ABI2: variants seen among roughly 807,000 people sequenced by gnomAD.
ABI2 encodes the protein abl interactor 2, also known as abelson interactor 2.
In ABI2, 25 loss-of-function variants were observed where a neutral mutation model predicts 59.2. That is an observed-to-expected ratio of 0.42 (90% confidence interval 0.31 to 0.59). ABI2 has a LOEUF of 0.59. Ranked by LOEUF, ABI2 falls within the 20% of genes least tolerant of loss-of-function variation. ABI2 has a pLI of 0.14. For missense variants in ABI2, 545 were observed against 681.8 expected (o/e 0.80, Z 2.23); for synonymous variants, 213 against 235.5 (o/e 0.90, Z 0.87).
rs1420411240 is a variant in ABI2, at chr2:203,431,882, T to C, written c.*4530T>C. 6.6e-6 allele frequency: 1 copy of C among 152,180 alleles called. No homozygotes were observed. The highest frequency in any genetic ancestry group is 1.5e-5 in the Non-Finnish European group (1 of 68,028). The allele number at this position is 152,180 out of a possible 1,614,324, so 9.4% of individuals were successfully genotyped here. A position where few individuals can be genotyped will look rare whatever the true frequency, so the allele number is the denominator to read the frequency against. On this transcript the variant is annotated 3_prime_UTR_variant, in exon 12 of 12. Coordinates refer to ENST00000261018, the MANE Select transcript of ABI2 (RefSeq NM_001375670.1). ...GAAAAGCAGTTTTTATCATATTTTG[T>C]GTCCATGCACCATTTTTCTTAAAAT...
At chr2:203,391,610 C>G (rs2096743145) in intron 5 of ABI2, among the ~76,000 whole-genome samples, 1 of 151,980 alleles carries the variant, frequency 6.6e-6, no homozygotes, top group Non-Finnish European at 1.5e-5. Flanking sequence ...CACTTGAGCC[C>G]AGGAGTTTAA....
intron 1 of ABI2, among the ~76,000 whole-genome samples, chr2:203,355,811 A>C (rs1023518603): frequency 6.8e-6 from 1 of 148,020 alleles, no homozygotes; most frequent in Admixed American, 6.8e-5. Context: ...AGCCTGGGCA[A>C]CAAGAGCAAA....
intron 4 of ABI2, among the ~76,000 whole-genome samples, chr2:203,390,633 G>GA (rs974010366): frequency 0.04 from 5,673 of 141,492 alleles, 340 homozygotes; most frequent in African/African-American, 0.14. Flanking sequence ...CTCTGTCTCA[G>GA]AAAAAAAAAA....
intron 1 of ABI2, among the ~76,000 whole-genome samples, chr2:203,346,408 C>T (rs1043702869): frequency 1.3e-5 from 2 of 152,178 alleles, no homozygotes; most frequent in African/African-American, 2.4e-5. Context: ...GACTAATAGG[C>T]ATGTGTATCA....
chr2:203,402,716 T>C lies in ABI2; in HGVS notation c.1174T>C (p.Phe392Leu), dbSNP rs1378811465. ...TCAGAATCAGATGAATGGAGGACCT[T>C]TTTATAGCCAGAATCCAGGTTAGTT... is the stretch of plus-strand genomic sequence containing the variant. Reference protein sequence around the residue: ...SLQNQMNGGPFYSQNPVSLAP... With the variant: ...SLQNQMNGGPLYSQNPVSLAP... The change falls in exon 9 of 12, where the codon TTT becomes CTT. Residue 392 changes from phenylalanine to leucine, a missense_variant. By Grantham distance (22) the Phe-to-Leu change is conservative (BLOSUM62 0). Transcript: ENST00000261018. 1 of 1,592,570 alleles carries C rather than the reference T, an allele frequency of 6.3e-7. No individual in the cohort carries two copies. The highest frequency in any genetic ancestry group is 8.5e-7 in the Non-Finnish European group (1 of 1,173,436).
intron 2 of ABI2, among the ~76,000 whole-genome samples, chr2:203,367,722 A>T (rs2094593405): frequency 1.3e-5 from 2 of 151,994 alleles, no homozygotes; most frequent in Admixed American, 6.6e-5. Flanking sequence ...TTTTAAATGT[A>T]ACTGTGGGCT....
rs2098482196 is a variant in ABI2 at position 203,431,374 on chromosome 2, G to A, written c.*4022G>A. ...TTAAAAGTTAAGAGTTCTATTTGGT[G>A]TTTTCAGGAATATACGTGAAAAGAC... On this transcript the variant is annotated 3_prime_UTR_variant, in exon 12 of 12. Coordinates refer to ENST00000261018, the MANE Select transcript of ABI2 (RefSeq NM_001375670.1). 2 of 152,512 alleles carry A rather than the reference G, an allele frequency of 1.3e-5. No homozygotes were observed. Among genetic ancestry groups the A allele is most frequent in the East Asian group, 3.8e-4 (2 of 5,200 alleles). 9.4% of individuals were successfully genotyped at this position (152,512 alleles called of 1,614,324 possible).
chr2:203,425,608 G>GT (rs1161114496), intron 11 of ABI2, among the ~76,000 whole-genome samples: 3 of 152,224 alleles, frequency 2.0e-5, no homozygotes, highest in Admixed American at 6.5e-5. Flanking sequence ...TATTTTCTGG[G>GT]TTTTTTTGTA....
In ABI2 at chr2:203,396,800, C is replaced by G. The variant is rs1040890102; in HGVS notation, c.866C>G (p.Ala289Gly). The G allele has an allele frequency of 6.8e-5, 104 of 1,531,680 alleles. No homozygotes were observed. Among genetic ancestry groups the G allele is most frequent in the Non-Finnish European group, 8.4e-5 (96 of 1,145,184 alleles). The allele number at this position is 1,531,680 out of a possible 1,614,324, so 94.9% of individuals were successfully genotyped here. A position where few individuals can be genotyped will look rare whatever the true frequency, so the allele number is the denominator to read the frequency against. Residue 289 changes from alanine (A) to glycine (G), a missense_variant, in exon 8 of 12, where the codon GCT (alanine) becomes GGT (glycine). Around this residue, in one of 4 missense-constraint regions of ABI2, gnomAD observed 410 missense variants for 435.6 expected, o/e 0.94. Coordinates refer to ENST00000261018, the MANE Select transcript of ABI2 (RefSeq NM_001375670.1). ...PSVFPAPAGS[A>G]GTPPLPATSA... is the part of the protein sequence containing the mutation. ...TTCCCCTCAGCCCCTGCTGGCTCTG[C>G]TGGCACTCCTCCCCTTCCTGCTACT... is the stretch of plus-strand genomic sequence containing the variant.
chr2:203,390,903 T>C, intron 4 of ABI2, 143 bp from the exon 5 acceptor site: 1 of 649,224 alleles, frequency 1.5e-6, no homozygotes, highest in Non-Finnish European at 2.8e-6. Flanking sequence ...AGAGTAGAGA[T>C]TGCATATGAA....
In ABI2 at chr2:203,387,073, TTTTC is replaced by T. The variant is rs1397056320; in HGVS notation, c.481-3972_481-3969del. Reference sequence around the variant, plus strand: ...CTCCCTTCCTTTTTTTTTTTTTTTTTTTTCCCCACATGCCTTTACTCTTGTACCT... The same window carrying T: ...CTCCCTTCCTTTTTTTTTTTTTTTTTCCCACATGCCTTTACTCTTGTACCT... On this transcript the variant is annotated intron_variant, in intron 4 of 11. Transcript: ENST00000261018. Among the ~76,000 whole-genome samples, 483 of 128,230 alleles carry T rather than the reference TTTTC, an allele frequency of 3.8e-3. 2 individuals are homozygous for T. Among genetic ancestry groups the T allele is most frequent in the African/African-American group, 0.014 (449 of 33,144 alleles). The allele number at this position is 128,230 out of a possible 152,430, so 84.1% of individuals were successfully genotyped here. A position where few individuals can be genotyped will look rare whatever the true frequency, so the allele number is the denominator to read the frequency against.
At chr2:203,402,512 A>C in intron 8 of ABI2, 64 bp from the exon 9 acceptor site, 5 of 1,227,126 alleles carry the variant, frequency 4.1e-6, no homozygotes, top group Non-Finnish European at 5.3e-6. Flanking sequence ...ATTGTACATA[A>C]AGTATTTAAT....
intron 8 of ABI2, among the ~76,000 whole-genome samples, chr2:203,401,097 C>T (rs550134942): frequency 1.3e-5 from 2 of 152,122 alleles, no homozygotes; most frequent in African/African-American, 2.4e-5. Context: ...TCCAGTCCCC[C>T]CTCCTCTACT....
At chr2:203,372,685 C>T (rs1294641367) in intron 2 of ABI2, among the ~76,000 whole-genome samples, 10 of 151,096 alleles carry the variant, frequency 6.6e-5, no homozygotes, top group East Asian at 3.9e-4. Context: ...GGGTGGCTGC[C>T]GGGCGTAGGG....
rs566694621 is a variant in ABI2, at chr2:203,398,028, A to G, written c.1033+1061A>G. Among the ~76,000 whole-genome samples the G allele has an allele frequency of 6.6e-5, 10 of 152,346 alleles. No homozygotes were observed. In the South Asian group the frequency reaches 1.0e-3, roughly 16 times the overall value. On this transcript the variant is annotated intron_variant, in intron 8 of 11. Transcript: ENST00000261018. Reference sequence around the variant, plus strand: ...AGGGACACAGATTCAAAGCATATCAATCACCGTAGTGTTCCACTTGCCAGT... The same window carrying G: ...AGGGACACAGATTCAAAGCATATCAGTCACCGTAGTGTTCCACTTGCCAGT...
Position 203,361,810 on chromosome 2 carries a change from TAGTGTCA to T in ABI2, c.118-5066_118-5060del, listed in dbSNP as rs2093559051. On this transcript the variant is annotated intron_variant, in intron 1 of 11. Transcript: ENST00000261018. ...AGATTGAATGATGTCCTGTGTCTTATAGTGTCATTTATTGAGCGAGGTACCCTTTCTC... is the reference window on the plus strand; with the variant it reads ...AGATTGAATGATGTCCTGTGTCTTATTTTATTGAGCGAGGTACCCTTTCTC... Among the ~76,000 whole-genome samples, 5 of 152,196 alleles carry T rather than the reference TAGTGTCA, an allele frequency of 3.3e-5. No individual in the cohort carries two copies. In the South Asian group the frequency reaches 1.0e-3, roughly 31 times the overall value.
At chr2:203,403,788 G>T (rs922074028) in intron 9 of ABI2, among the ~76,000 whole-genome samples, 1 of 121,168 alleles carries the variant, frequency 8.3e-6, no homozygotes, top group African/African-American at 3.2e-5. Context: ...GTCTCGCTCT[G>T]TTGCCCAGGA....
intron 10 of ABI2, among the ~76,000 whole-genome samples, chr2:203,413,349 A>G (rs1284870167): frequency 6.6e-6 from 1 of 152,258 alleles, no homozygotes; most frequent in Non-Finnish European, 1.5e-5. Flanking sequence ...CAAGCTTTGT[A>G]GAAACAGCAA....
intron 1 of ABI2, among the ~76,000 whole-genome samples, chr2:203,343,369 A>G (rs201742441): frequency 2.6e-5 from 4 of 152,030 alleles, no homozygotes; most frequent in East Asian, 3.8e-4. Flanking sequence ...CTCAAAAAAC[A>G]TAAAAAAATT....
Sources: gnomAD v4.1 joint callset for allele counts (sites outside exome capture counted in the v4.1 genomes callset) on GRCh38, gnomAD v4.1.1 for gene constraint, gnomAD v4.1.1 regional missense constraint, MANE v1.5 for transcripts, NCBI Gene and HGNC (gene_info 2026-07-23, HGNC 2026-07-21) for gene names.